Variants in CAPN3 observed in about 807,000 individuals in gnomAD.
The protein encoded by CAPN3 is calpain 3.
In CAPN3, 88 loss-of-function variants were observed where a neutral mutation model predicts 114.0. The observed-to-expected ratio is 0.77, with a 90% CI of 0.65 to 0.92. CAPN3 has a LOEUF of 0.92. Among genes scored for constraint, CAPN3 ranks in the 40% least tolerant of loss-of-function variants. The pLI, the probability that CAPN3 is intolerant of heterozygous loss-of-function variation, is 0.00. For missense variants in CAPN3, 1,028 were observed against 1,069.0 expected (o/e 0.96, Z 0.53); for synonymous variants, 386 against 382.9 (o/e 1.01, Z -0.09).
At chr15:42,385,019 C>G (rs186759520) in intron 2 of CAPN3, among the ~76,000 whole-genome samples, 3 of 152,342 alleles carry the variant, frequency 2.0e-5, no homozygotes, top group African/African-American at 7.2e-5. Flanking sequence ...AAGAGTCTTT[C>G]CACAAAGATG....
chr15:42,375,600 A>G (rs988309800), intron 1 of CAPN3, among the ~76,000 whole-genome samples: 1 of 152,220 alleles, frequency 6.6e-6, no homozygotes, highest in Non-Finnish European at 1.5e-5. Context: ...GATCTGCAAG[A>G]TGATCCATTG....
chr15:42,385,523 T>TATAC (rs1262337396), intron 2 of CAPN3, among the ~76,000 whole-genome samples: 22 of 149,580 alleles, frequency 1.5e-4, no homozygotes, highest in African/African-American at 5.0e-4. Context: ...TATATATATA[T>TATAC]ACACACACAG....
chr15:42,384,155 T>C (rs1404968743), intron 1 of CAPN3, among the ~76,000 whole-genome samples: 1 of 152,102 alleles, frequency 6.6e-6, no homozygotes, highest in Non-Finnish European at 1.5e-5. Flanking sequence ...GGCTCACATC[T>C]GTAATCCCAG....
intron 14 of CAPN3, among the ~76,000 whole-genome samples, chr15:42,405,396 C>CCGGGTTCAAGCCTCCCGGGTTGAA (rs1566982365): frequency 1.3e-5 from 2 of 152,228 alleles, no homozygotes; most frequent in East Asian, 3.9e-4. Context: ...CTGCAACCTC[C>CCGGGTTCAAGCCTCCCGGGTTGAA]GCCTCCCGGG....
Position 42,399,567 on chromosome 15 carries a change from T to C in CAPN3, c.1269T>C (p.Ser423=), listed in dbSNP as rs760749559. 3.7e-6 allele frequency: 6 copies of C among 1,613,982 alleles called. No homozygotes were observed. The highest frequency in any genetic ancestry group is 4.2e-6 in the Non-Finnish European group (5 of 1,179,968). ...ICNLTADALQ[S]DKLQTWTVSV... The stretch of plus-strand genomic sequence containing the variant: ...ACCTCACGGCCGATGCTCTGCAGTC[T>C]GACAAGCTTCAGACCTGGACAGTGT... The change falls in exon 10 of 24, where the codon TCT becomes TCC. Residue 423 remains serine, a synonymous_variant. Coordinates refer to ENST00000397163, the MANE Select transcript of CAPN3 (RefSeq NM_000070.3).
intron 1 of CAPN3, among the ~76,000 whole-genome samples, chr15:42,373,337 C>G (rs560709534): frequency 4.6e-5 from 7 of 152,302 alleles, no homozygotes; most frequent in Non-Finnish European, 1.0e-4. Flanking sequence ...TCTGTATTTT[C>G]AACTGGCAGA....
At chr15:42,404,860 G>A in intron 14 of CAPN3, 1 of 1,069,082 alleles carries the variant, frequency 9.4e-7, no homozygotes, top group South Asian at 3.2e-5. Context: ...TGGTAGGTGT[G>A]TGGGGATCTG....
At chr15:42,402,099 A>T (rs778435702) in intron 11 of CAPN3, 25 bp from the exon 12 acceptor site, 13 of 1,614,044 alleles carry the variant, frequency 8.1e-6, no homozygotes, top group Non-Finnish European at 1.1e-5. Flanking sequence ...CATCTGAAGC[A>T]TCTTCCTTTC....
chr15:42,372,172 T>C (rs1344260278), intron 1 of CAPN3, among the ~76,000 whole-genome samples: 1 of 152,128 alleles, frequency 6.6e-6, no homozygotes, highest in East Asian at 1.9e-4. Flanking sequence ...CATTTTTTTT[T>C]CTTTGAGATG....
chr15:42,412,140 C>G lies in CAPN3; in HGVS notation c.*367C>G. ...CTCAGCACCTCCTTGTGCTAGAGCCCTCCATCACCTTCACGCTGTCCCACC... is the reference window on the plus strand; with the variant it reads ...CTCAGCACCTCCTTGTGCTAGAGCCGTCCATCACCTTCACGCTGTCCCACC... On this transcript the variant is annotated 3_prime_UTR_variant, in exon 24 of 24. Transcript: ENST00000397163. 2.6e-6 allele frequency: 4 copies of G among 1,536,070 alleles called. No homozygotes were observed. Among genetic ancestry groups the G allele is most frequent in the Non-Finnish European group, 2.6e-6 (3 of 1,146,902 alleles).
intron 1 of CAPN3, among the ~76,000 whole-genome samples, chr15:42,378,952 A>G (rs1331782102): frequency 1.3e-5 from 2 of 152,170 alleles, no homozygotes; most frequent in Non-Finnish European, 2.9e-5. Context: ...TTTTTCAACT[A>G]TCTTTTTGTT....
chr15:42,411,031 C>T (rs752555207), intron 22 of CAPN3, 31 bp downstream of exon 22: 1 of 1,491,260 alleles, frequency 6.7e-7, no homozygotes, highest in African/African-American at 1.4e-5. Flanking sequence ...GCCCTCTGCT[C>T]TCTTGCAGGG....
intron 8 of CAPN3, among the ~76,000 whole-genome samples, chr15:42,395,018 G>A (rs1255317917): frequency 1.3e-5 from 2 of 152,184 alleles, no homozygotes; most frequent in African/African-American, 2.4e-5. Flanking sequence ...GGGGATGGCA[G>A]GACTCAGTAG....
In CAPN3 at chr15:42,384,522, A is replaced by T. The variant is rs1011699008; in HGVS notation, c.349A>T (p.Asn117Tyr). The stretch of plus-strand genomic sequence containing the variant: ...TCCCCGATTTATCATTGATGGAGCC[A>T]ACAGAACTGACATCTGTCAAGGAGA... Reference protein sequence around the residue: ...ENPRFIIDGANRTDICQGELG... With the variant: ...ENPRFIIDGAYRTDICQGELG... Residue 117 changes from asparagine (N) to tyrosine (Y), a missense_variant, in exon 2 of 24, where the codon AAC (asparagine) becomes TAC (tyrosine). Physicochemically the swap from Asn to Tyr is moderately radical, Grantham distance 143 (BLOSUM62 -2). Coordinates refer to ENST00000397163, the MANE Select transcript of CAPN3 (RefSeq NM_000070.3). 6 of 1,614,038 alleles carry T rather than the reference A, an allele frequency of 3.7e-6. No individual in the cohort carries two copies. The highest frequency in any genetic ancestry group is 5.1e-6 in the Non-Finnish European group (6 of 1,179,866).
chr15:42,375,972 CCTT>C (rs2053079951), intron 1 of CAPN3, among the ~76,000 whole-genome samples: 1 of 152,256 alleles, frequency 6.6e-6, no homozygotes, highest in Non-Finnish European at 1.5e-5. Context: ...TGTTTTATGA[CCTT>C]CACAGTTTTT....
At chr15:42,370,326 C>G (rs1321624508) in intron 1 of CAPN3, among the ~76,000 whole-genome samples, 1 of 152,090 alleles carries the variant, frequency 6.6e-6, no homozygotes, top group Non-Finnish European at 1.5e-5. Flanking sequence ...TTACTCAGTT[C>G]TGAAAAGAAG....
At chr15:42,403,802 G>A (rs1157477429) in intron 14 of CAPN3, 25 bp downstream of exon 14, 8 of 1,611,006 alleles carry the variant, frequency 5.0e-6, no homozygotes, top group East Asian at 2.2e-5. Flanking sequence ...TCTTCTGTGC[G>A]AAAAGTCCAG....
At chr15:42,402,075 C>G (rs751279684) in intron 11 of CAPN3, 49 bp from the exon 12 acceptor site, 1 of 1,613,068 alleles carries the variant, frequency 6.2e-7, no homozygotes, top group Non-Finnish European at 8.5e-7. Context: ...CCGCAGGCTC[C>G]TCATCCTCAT....
chr15:42,361,883 C>T (rs990563081), intron 1 of CAPN3, among the ~76,000 whole-genome samples: 3 of 152,202 alleles, frequency 2.0e-5, no homozygotes, highest in African/African-American at 7.2e-5. Context: ...CCTGACATGC[C>T]TTTTTTGTTC....
Sources: allele counts gnomAD v4.1 joint callset (sites outside exome capture counted in the v4.1 genomes callset), GRCh38; gene constraint gnomAD v4.1.1; transcripts MANE v1.5; gene names NCBI Gene and HGNC (gene_info 2026-07-23, HGNC 2026-07-21).